The following SEMA6D variants were observed in gnomAD, a reference collection of about 807,000 sequenced individuals.
The protein encoded by SEMA6D is semaphorin-6D.
In SEMA6D, 35 loss-of-function variants were observed where a neutral mutation model predicts 106.6. That is an observed-to-expected ratio of 0.33 (90% CI 0.25 to 0.44). The LOEUF (loss-of-function observed/expected upper bound fraction) is 0.44. Among genes scored for constraint, SEMA6D ranks in the 20% least tolerant of loss-of-function variants. SEMA6D has a pLI of 1.00. For synonymous variants in SEMA6D, 499 were observed against 487.7 expected, an observed-to-expected ratio of 1.02 and a Z score of -0.31; for missense variants, 1,185 against 1,345.9, an observed-to-expected ratio of 0.88 and a Z score of 1.87.
chr15:47,766,220 C>T, intron 15 of SEMA6D, 38 bp downstream of exon 15: 1 of 1,555,776 alleles, frequency 6.4e-7, no homozygotes, highest in Non-Finnish European at 8.9e-7. Flanking sequence ...GATGAACTAT[C>T]CTCTCCAGGG....
At chr15:47,412,487 T>C (rs144555564) in intron 2 of SEMA6D, 3 of 152,774 alleles carry the variant, frequency 2.0e-5, no homozygotes, top group African/African-American at 7.2e-5. Flanking sequence ...GATTTAAATA[T>C]ATAACAACGA....
intron 4 of SEMA6D, among the ~76,000 whole-genome samples, chr15:47,673,408 C>G (rs117336066): frequency 0.01 from 1,523 of 152,270 alleles, 14 homozygotes; most frequent in South Asian, 0.044. Flanking sequence ...CACTCCTCCC[C>G]CTCCTCCTTC....
intron 1 of SEMA6D, among the ~76,000 whole-genome samples, chr15:47,340,664 C>T (rs980473785): frequency 6.6e-6 from 1 of 152,206 alleles, no homozygotes; most frequent in African/African-American, 2.4e-5. Flanking sequence ...CTGATGAACA[C>T]ATCATGCCTA....
chr15:47,394,623 A>G (rs2040149601), intron 1 of SEMA6D, among the ~76,000 whole-genome samples: 1 of 152,166 alleles, frequency 6.6e-6, no homozygotes, highest in African/African-American at 2.4e-5. Context: ...CCTCCAGAGC[A>G]TTTCAGCCGA....
chr15:47,232,811 A>G (rs148354741), intron 1 of SEMA6D, among the ~76,000 whole-genome samples: 1 of 151,956 alleles, frequency 6.6e-6, no homozygotes, highest in Non-Finnish European at 1.5e-5. Context: ...TGTAAGGGCT[A>G]TTTATATATT....
chr15:47,318,041 T>A (rs1279202110), intron 1 of SEMA6D, among the ~76,000 whole-genome samples: 2 of 147,510 alleles, frequency 1.4e-5, no homozygotes, highest in African/African-American at 5.0e-5. Context: ...TTTTTTTTTT[T>A]AGAAATTATG....
chr15:47,738,022 G>C (rs530812654), intron 1 of SEMA6D, among the ~76,000 whole-genome samples: 7 of 144,970 alleles, frequency 4.8e-5, no homozygotes, highest in African/African-American at 1.6e-4. Context: ...TTGCTATCAA[G>C]AAGCCTGATA....
At chr15:47,212,863 C>G (rs771939603) in intron 1 of SEMA6D, among the ~76,000 whole-genome samples, 1 of 152,082 alleles carries the variant, frequency 6.6e-6, no homozygotes, top group African/African-American at 2.4e-5. Flanking sequence ...AATAGCAGTT[C>G]CTGAGGCTGT....
At chr15:47,680,926 A>C (rs1426052287) in intron 4 of SEMA6D, among the ~76,000 whole-genome samples, 2 of 152,208 alleles carry the variant, frequency 1.3e-5, no homozygotes, top group East Asian at 3.9e-4. Context: ...TTATCAAAAC[A>C]ACAGAAAATA....
chr15:47,353,651 C>T (rs2038420215), intron 1 of SEMA6D, among the ~76,000 whole-genome samples: 1 of 152,106 alleles, frequency 6.6e-6, no homozygotes, highest in Admixed American at 6.5e-5. Flanking sequence ...CTGATCTTCC[C>T]AGCTTGAAGA....
chr15:47,610,165 C>T (rs2076867129), intron 4 of SEMA6D, among the ~76,000 whole-genome samples: 1 of 152,190 alleles, frequency 6.6e-6, no homozygotes, highest in African/African-American at 2.4e-5. Context: ...GCTTCTAGCC[C>T]TTTCTTCCTC....
At chr15:47,532,927 A>G (rs1184350582) in intron 3 of SEMA6D, among the ~76,000 whole-genome samples, 3 of 152,070 alleles carry the variant, frequency 2.0e-5, no homozygotes, top group East Asian at 1.9e-4. Flanking sequence ...TGAAGTTTCA[A>G]TTTAAGCTTT....
chr15:47,301,825 A>G (rs946748219), intron 1 of SEMA6D, among the ~76,000 whole-genome samples: 2 of 152,210 alleles, frequency 1.3e-5, no homozygotes, highest in African/African-American at 4.8e-5. Flanking sequence ...GGGTGGATTT[A>G]ATTTGCATGG....
chr15:47,281,512 C>G, intron 1 of SEMA6D, among the ~76,000 whole-genome samples: 1 of 150,784 alleles, frequency 6.6e-6, no homozygotes, highest in East Asian at 2.0e-4. Flanking sequence ...TTAATTGGAG[C>G]ATTTAGTCCA....
At chr15:47,732,663 G>T (rs567192965) in intron 1 of SEMA6D, among the ~76,000 whole-genome samples, 33 of 152,224 alleles carry the variant, frequency 2.2e-4, no homozygotes, top group Non-Finnish European at 3.4e-4. Flanking sequence ...CCTACACATA[G>T]TGTACATTAA....
chr15:47,257,983 T>C (rs2033894054), intron 1 of SEMA6D, among the ~76,000 whole-genome samples: 1 of 152,234 alleles, frequency 6.6e-6, no homozygotes, highest in Admixed American at 6.5e-5. Flanking sequence ...TGATTAATCA[T>C]TTTATCATTA....
At chr15:47,531,155 A>G (rs971511697) in intron 3 of SEMA6D, among the ~76,000 whole-genome samples, 3 of 152,230 alleles carry the variant, frequency 2.0e-5, no homozygotes, top group Admixed American at 1.3e-4. Flanking sequence ...ATATATCTTT[A>G]TATGTATATG....
At chr15:47,380,276 C>T (rs774822623) in intron 1 of SEMA6D, among the ~76,000 whole-genome samples, 5 of 152,178 alleles carry the variant, frequency 3.3e-5, no homozygotes, top group Non-Finnish European at 7.3e-5. Flanking sequence ...TCTTTGAGTT[C>T]GAGTCTCTCT....
At chr15:47,602,177 A>G (rs1176893837) in intron 4 of SEMA6D, among the ~76,000 whole-genome samples, 2 of 152,200 alleles carry the variant, frequency 1.3e-5, no homozygotes, top group African/African-American at 4.8e-5. Context: ...TTACAATTCT[A>G]TACAGTAACA....
Sources: allele counts gnomAD v4.1 joint callset (sites outside exome capture counted in the v4.1 genomes callset), GRCh38; gene constraint gnomAD v4.1.1; transcripts MANE v1.5; gene names NCBI Gene and HGNC (gene_info 2026-07-23, HGNC 2026-07-21).